Variants in SYN3 observed in about 807,000 individuals in gnomAD.
SYN3 encodes the protein synapsin III.
In SYN3, 35 loss-of-function variants were observed where a neutral mutation model predicts 65.8. The observed-to-expected ratio is 0.53, with a 90% CI of 0.41 to 0.70. SYN3 has a LOEUF of 0.70. SYN3 is among the 30% of genes least tolerant of loss of function. The pLI is 0.00. For synonymous variants in SYN3, 270 were observed against 292.9 expected (o/e 0.92, Z 0.80); for missense variants, 680 against 749.0 (o/e 0.91, Z 1.08).
rs549350407 is a variant in SYN3, at chr22:32,866,529, T to A, written c.622-1525A>T. Among the ~76,000 whole-genome samples, 13 of 152,326 alleles carry A rather than the reference T, an allele frequency of 8.5e-5. No individual in the cohort carries two copies. In the South Asian group the frequency reaches 2.7e-3, roughly 32 times the overall value. The stretch of plus-strand genomic sequence containing the variant: ...TCTACTAGCTATGTGAGCCTCAGTT[T>A]CCTCATCTGTAAGATGGAGATATTA... On this transcript the variant is annotated intron_variant, in intron 5 of 13. Coordinates refer to ENST00000358763, the MANE Select transcript of SYN3 (RefSeq NM_003490.4).
intron 1 of SYN3, among the ~76,000 whole-genome samples, chr22:33,051,314 T>G (rs1481147682): frequency 6.6e-6 from 1 of 152,192 alleles, no homozygotes; most frequent in East Asian, 1.9e-4. Context: ...CTGTATATCT[T>G]TGGAGGACCG....
At chr22:32,547,029 A>G (rs1482497687) in intron 7 of SYN3, among the ~76,000 whole-genome samples, 1 of 151,898 alleles carries the variant, frequency 6.6e-6, no homozygotes, top group Admixed American at 6.6e-5. Flanking sequence ...CCTAAGCTGG[A>G]GCGCAGTGGC....
chr22:32,793,559 C>T (rs1483005180), intron 6 of SYN3, among the ~76,000 whole-genome samples: 1 of 152,182 alleles, frequency 6.6e-6, no homozygotes, highest in East Asian at 1.9e-4. Flanking sequence ...CAGTTCTATG[C>T]CTTGTTCACT....
At chr22:32,919,784 G>A (rs2050287483) in intron 4 of SYN3, among the ~76,000 whole-genome samples, 1 of 152,182 alleles carries the variant, frequency 6.6e-6, no homozygotes, top group Admixed American at 6.5e-5. Context: ...CAGGAGTCAA[G>A]GGCTCATTGT....
At chr22:32,799,322 T>C (rs1228136918) in intron 6 of SYN3, among the ~76,000 whole-genome samples, 1 of 152,140 alleles carries the variant, frequency 6.6e-6, no homozygotes, top group Non-Finnish European at 1.5e-5. Context: ...CAGCTTAGGA[T>C]AGGGAGTGAG....
intron 4 of SYN3, among the ~76,000 whole-genome samples, chr22:32,924,484 C>T (rs1375384199): frequency 3.3e-5 from 5 of 152,204 alleles, no homozygotes; most frequent in African/African-American, 9.7e-5. Context: ...TGTGATCTTC[C>T]AACAGCAGCA....
intron 5 of SYN3, 110 bp downstream of exon 5, chr22:32,868,856 T>C: frequency 1.0e-6 from 1 of 986,782 alleles, no homozygotes; most frequent in Non-Finnish European, 1.4e-6. Flanking sequence ...GTTGCTTAAA[T>C]AAGAATTTTT....
intron 7 of SYN3, among the ~76,000 whole-genome samples, chr22:32,593,848 G>A (rs1431091113): frequency 2.6e-5 from 4 of 152,074 alleles, no homozygotes; most frequent in Admixed American, 2.6e-4. Context: ...GAATAGCCAC[G>A]GTTAGGGATG....
intron 4 of SYN3, among the ~76,000 whole-genome samples, chr22:32,929,831 C>A (rs929188719): frequency 6.6e-6 from 1 of 152,136 alleles, no homozygotes; most frequent in African/African-American, 2.4e-5. Flanking sequence ...AAACCAGTTG[C>A]AAATTTGGCT....
At chr22:32,844,852 A>G (rs2146215004) in intron 6 of SYN3, among the ~76,000 whole-genome samples, 1 of 152,158 alleles carries the variant, frequency 6.6e-6, no homozygotes, top group East Asian at 1.9e-4. Context: ...CTGAGACTAC[A>G]GATACACGGC....
chr22:33,057,436 A>G (rs5754399), intron 1 of SYN3: 39,935 of 152,098 alleles, frequency 0.26, 5,721 homozygotes, highest in Non-Finnish European at 0.32. Flanking sequence ...CTTTACCTTT[A>G]CACAAGAAAA....
rs2059555922 is a variant in SYN3 at position 32,618,791 on chromosome 22, CCTTGAACAGCTGAAAGTTCAAAGTGGG to C, written c.712-22082_712-22056del. ...GTCTCAGCAGGAAAGGAAGCCCCTA[CCTTGAACAGCTGAAAGTTCAAAGTGGG>C]CCACAGCTCCTTAAGCTCAGCTCTC... On this transcript the variant is annotated intron_variant, in intron 6 of 13. Transcript: ENST00000358763. Among the ~76,000 whole-genome samples the C allele has an allele frequency of 2.6e-5, 4 of 152,292 alleles. No individual in the cohort carries two copies. The South Asian group carries it at 8.3e-4, about 32-fold the overall frequency.
intron 4 of SYN3, among the ~76,000 whole-genome samples, chr22:32,897,759 G>C (rs372348344): frequency 6.6e-6 from 1 of 152,194 alleles, no homozygotes; most frequent in African/African-American, 2.4e-5. Context: ...GGCATGTAGT[G>C]AGCGCATGAT....
intron 6 of SYN3, among the ~76,000 whole-genome samples, chr22:32,702,668 G>GTACT (rs2060825756): frequency 6.6e-6 from 1 of 152,012 alleles, no homozygotes; most frequent in South Asian, 2.1e-4. Flanking sequence ...TTCAAATGAA[G>GTACT]TACTTAATTA....
intron 4 of SYN3, among the ~76,000 whole-genome samples, chr22:32,875,668 G>A (rs1469330178): frequency 6.6e-6 from 1 of 152,200 alleles, no homozygotes; most frequent in Non-Finnish European, 1.5e-5. Context: ...CACAGGGGAA[G>A]AGAATGCCAT....
chr22:32,777,035 C>G (rs1267670023), intron 6 of SYN3, among the ~76,000 whole-genome samples: 1 of 152,146 alleles, frequency 6.6e-6, no homozygotes, highest in Non-Finnish European at 1.5e-5. Flanking sequence ...AAGCCTGAAT[C>G]CAGCCTTGTA....
intron 2 of SYN3, among the ~76,000 whole-genome samples, chr22:32,990,653 A>T (rs888252561): frequency 1.3e-5 from 2 of 152,208 alleles, no homozygotes; most frequent in Non-Finnish European, 2.9e-5. Context: ...AACTAGACCA[A>T]ATAGTTACTC....
chr22:33,044,051 CAAA>C (rs556885188), intron 1 of SYN3, among the ~76,000 whole-genome samples: 1 of 119,658 alleles, frequency 8.4e-6, no homozygotes. Flanking sequence ...GACTCTGTCT[CAAA>C]AAAAAAAAAA....
intron 9 of SYN3, among the ~76,000 whole-genome samples, chr22:32,535,233 T>A (rs1407913541): frequency 6.6e-6 from 1 of 152,122 alleles, no homozygotes; most frequent in African/African-American, 2.4e-5. Flanking sequence ...CCATTCTCAC[T>A]CAGCATGGGA....
Sources: allele counts gnomAD v4.1 joint callset (sites outside exome capture counted in the v4.1 genomes callset), GRCh38; gene constraint gnomAD v4.1.1; transcripts MANE v1.5; gene names NCBI Gene and HGNC (gene_info 2026-07-23, HGNC 2026-07-21).